The following EVI5L variants were observed in gnomAD, a reference collection of about 807,000 sequenced individuals.
EVI5L encodes EVI5-like protein.
Under a neutral mutation model 106.1 loss-of-function variants are expected in EVI5L, and 30 were observed. The ratio of observed to expected loss-of-function variants is 0.28; its 90% CI spans 0.21 to 0.38. The LOEUF is 0.38. Ranked by LOEUF, EVI5L falls within the 10% of genes least tolerant of loss-of-function variation. The pLI is 1.00. For synonymous variants in EVI5L, 489 were observed against 483.3 expected, an observed-to-expected ratio of 1.01 and a Z score of -0.15; for missense variants, 809 against 1,098.0, an observed-to-expected ratio of 0.74 and a Z score of 3.72.
At chr19:7,843,245 T>C (rs568855655) in intron 1 of EVI5L, among the ~76,000 whole-genome samples, 2 of 145,696 alleles carry the variant, frequency 1.4e-5, no homozygotes, top group African/African-American at 5.1e-5. Flanking sequence ...AGTGTGTGCA[T>C]GTGTGTATAG....
intron 2 of EVI5L, among the ~76,000 whole-genome samples, chr19:7,847,108 A>G (rs55867018): frequency 0.16 from 24,396 of 152,140 alleles, 2,575 homozygotes; most frequent in Middle Eastern, 0.23. Context: ...CCTGGCCAAC[A>G]TGGTGAAATC....
At chr19:7,852,446 C>T (rs1979298202) in intron 8 of EVI5L, among the ~76,000 whole-genome samples, 1 of 152,120 alleles carries the variant, frequency 6.6e-6, no homozygotes, top group African/African-American at 2.4e-5. Flanking sequence ...AGGCCCCCGG[C>T]ATACCCATCC....
At chr19:7,831,018 C>G (rs2146406667) in intron 1 of EVI5L, among the ~76,000 whole-genome samples, 1 of 150,566 alleles carries the variant, frequency 6.6e-6, no homozygotes, top group East Asian at 2.0e-4. Context: ...TAGCCCATCT[C>G]CCACCCCAGC....
In EVI5L at chr19:7,847,838, C is replaced by T; in HGVS notation, c.244C>T (p.Leu82=). The part of the protein sequence containing the change: ...SSSASSNLSH[L]EEDTWILWGR... ...CTCGGCCTCCTCCAACCTGAGCCAC[C>T]TGGAGGAGGACACGTGGATCCTGTG... is the stretch of plus-strand genomic sequence containing the variant. The change falls in exon 3 of 20, where the codon CTG becomes TTG. Residue 82 remains leucine (L), a synonymous_variant. Transcript: ENST00000538904. The T allele has an allele frequency of 6.2e-7, 1 of 1,610,272 alleles. No homozygotes were observed. The highest frequency in any genetic ancestry group is 8.5e-7 in the Non-Finnish European group (1 of 1,178,436).
chr19:7,852,829 A>G (rs1451893844), intron 8 of EVI5L: 11 of 487,766 alleles, frequency 2.3e-5, no homozygotes, highest in African/African-American at 5.8e-5. Context: ...TTGGGATTAT[A>G]TGAATGAGCC....
At chr19:7,830,881 C>T (rs1008630385) in intron 1 of EVI5L, among the ~76,000 whole-genome samples, 34 of 147,938 alleles carry the variant, frequency 2.3e-4, no homozygotes, top group African/African-American at 8.3e-4. Flanking sequence ...CCAGAACTGC[C>T]CCCACCTCTC....
chr19:7,848,334 CG>C lies in EVI5L; in HGVS notation c.327+414del, dbSNP rs1160699003. ...CAGGTAGGCCGGGCGCAGTGGCTCA[CG>C]CCTGTAATCCCAGTTCGTTGGAAGG... is the stretch of plus-strand genomic sequence containing the variant. On this transcript the variant is annotated intron_variant, in intron 3 of 19. Transcript: ENST00000538904. This position sits in a 1 kb window ranked among gnomAD's most constrained non-coding sequence, Gnocchi z 4.8. 6.6e-6 allele frequency among the ~76,000 whole-genome samples: 1 copy of C among 152,094 alleles called. No individual in the cohort carries two copies. Among genetic ancestry groups the C allele is most frequent in the East Asian group, 1.9e-4 (1 of 5,174 alleles).
intron 1 of EVI5L, among the ~76,000 whole-genome samples, chr19:7,834,943 T>C (rs1978318998): frequency 1.3e-5 from 2 of 152,034 alleles, no homozygotes; most frequent in Admixed American, 6.6e-5. Context: ...CTGGGCAACA[T>C]AGTGAGACTC....
intron 1 of EVI5L, among the ~76,000 whole-genome samples, chr19:7,842,463 G>T (rs1006977346): frequency 1.3e-5 from 2 of 151,142 alleles, no homozygotes; most frequent in South Asian, 4.2e-4. Flanking sequence ...GAATGTGTGT[G>T]TATCAAGTGT....
chr19:7,844,257 G>C (rs1352335299), intron 1 of EVI5L, among the ~76,000 whole-genome samples: 2 of 151,248 alleles, frequency 1.3e-5, no homozygotes. Flanking sequence ...GCGTGAACCC[G>C]GGAGGTAGAG....
Position 7,850,200 on chromosome 19 carries a change from C to T in EVI5L, c.753+78C>T. The T allele has an allele frequency of 6.6e-7, 1 of 1,525,836 alleles. No individual in the cohort carries two copies. The highest frequency in any genetic ancestry group is 8.8e-7 in the Non-Finnish European group (1 of 1,136,410). 94.5% of individuals were successfully genotyped at this position (1,525,836 alleles called of 1,614,324 possible). On this transcript the variant is annotated intron_variant, in intron 6 of 19. Coordinates refer to ENST00000538904, the MANE Select transcript of EVI5L (RefSeq NM_001159944.3). The surrounding 1 kb of genome is among the most constrained non-coding windows in gnomAD (Gnocchi z 5.4). ...GCAGGGCCGCAAGGGAGCAGGATCG[C>T]AGAAGGGCAGGGCTGGCACCCTAGA...
chr19:7,848,974 T>C lies in EVI5L; in HGVS notation c.381T>C (p.Leu127=), dbSNP rs1267250409. 1.4e-5 allele frequency: 22 copies of C among 1,613,426 alleles called. No homozygotes were observed. The highest frequency in any genetic ancestry group is 1.9e-5 in the Non-Finnish European group (22 of 1,179,946). Residue 127 remains leucine (L), a synonymous_variant, in exon 4 of 20, where the codon CTT becomes CTC. Transcript: ENST00000538904. This position sits in a 1 kb window ranked among gnomAD's most constrained non-coding sequence, Gnocchi z 4.8. Reference sequence around the variant, plus strand: ...ACTTCCGGGCCATCGTGTGGCAGCTTCTGTGCAGCGCCACGGACATGCCCG... The same window carrying C: ...ACTTCCGGGCCATCGTGTGGCAGCTCCTGTGCAGCGCCACGGACATGCCCG... ...PHHFRAIVWQ[L]LCSATDMPVK... is the part of the protein sequence containing the mutation.
intron 10 of EVI5L, among the ~76,000 whole-genome samples, chr19:7,854,095 A>G (rs923881070): frequency 6.6e-6 from 1 of 152,022 alleles, no homozygotes; most frequent in Admixed American, 6.6e-5. Flanking sequence ...CAGCCTGGCT[A>G]ATGCAGTGAA....
chr19:7,851,777 C>G lies in EVI5L; in HGVS notation c.987+7C>G, dbSNP rs762212619. 1 of 1,493,478 alleles carries G rather than the reference C, an allele frequency of 6.7e-7. No homozygotes were observed. The highest frequency in any genetic ancestry group is 1.4e-5 in the South Asian group (1 of 71,034). The allele number at this position is 1,493,478 out of a possible 1,614,324, so 92.5% of individuals were successfully genotyped here. On this transcript the variant is annotated splice_region_variant and intron_variant, in intron 8 of 19. Transcript: ENST00000538904. ...CATGGAGGGGATGTCCCAGGTGGGC[C>G]GGGAGGGCCAGGGCCGGTGGGGCTG...
chr19:7,838,325 G>A (rs1241557206), intron 1 of EVI5L, among the ~76,000 whole-genome samples: 1 of 151,928 alleles, frequency 6.6e-6, no homozygotes, highest in Non-Finnish European at 1.5e-5. Flanking sequence ...TGGCCAGGCT[G>A]GTCTCAAACT....
Position 7,857,354 on chromosome 19 carries a change from G to A in EVI5L, c.1233+230G>A, listed in dbSNP as rs1979578651. On this transcript the variant is annotated intron_variant, in intron 12 of 19. Transcript: ENST00000538904. This position sits in a 1 kb window ranked among gnomAD's most constrained non-coding sequence, Gnocchi z 4.5. ...AGGGGCTGTGAGTGCGTTTGGGTGT[G>A]AATGTCCACATGCATGTACAGAAAG... The A allele has an allele frequency of 1.6e-6, 1 of 620,790 alleles. No homozygotes were observed. Among genetic ancestry groups the A allele is most frequent in the African/African-American group, 1.8e-5 (1 of 54,634 alleles). The allele number at this position is 620,790 out of a possible 1,614,324, so 38.5% of individuals were successfully genotyped here. A position where few individuals can be genotyped will look rare whatever the true frequency, so the allele number is the denominator to read the frequency against.
At position 7,851,621 on chromosome 19, in the gene EVI5L, G is replaced by T. The variant is rs375529847; in HGVS notation, c.897+44G>T. The T allele has an allele frequency of 4.8e-5, 76 of 1,599,964 alleles. No homozygotes were observed. The African/African-American group carries it at 8.7e-4, about 18-fold the overall frequency. ...TGGGGAGGGAAGAGAGCCCCTTGGG[G>T]GTGGTTGGAACAGGAGCCTCCCTGC... On this transcript the variant is annotated intron_variant, in intron 7 of 19. Coordinates refer to ENST00000538904, the MANE Select transcript of EVI5L (RefSeq NM_001159944.3).
chr19:7,853,379 G>A lies in EVI5L; in HGVS notation c.1146+46G>A, dbSNP rs757522771. 1.0e-5 allele frequency: 16 copies of A among 1,579,414 alleles called. 1 individual carries two copies. Among genetic ancestry groups the A allele is most frequent in the Non-Finnish European group, 1.2e-5 (14 of 1,163,332 alleles). On this transcript the variant is annotated intron_variant, in intron 10 of 19. Coordinates refer to ENST00000538904, the MANE Select transcript of EVI5L (RefSeq NM_001159944.3). Reference sequence around the variant, plus strand: ...GCGGGGACAGGGATGGGAGGCCTTTGGGGGCTGCCCTCCGTACTCTAAAGA... The same window carrying A: ...GCGGGGACAGGGATGGGAGGCCTTTAGGGGCTGCCCTCCGTACTCTAAAGA...
intron 1 of EVI5L, among the ~76,000 whole-genome samples, chr19:7,836,418 G>T (rs552966225): frequency 6.6e-6 from 1 of 152,280 alleles, no homozygotes; most frequent in East Asian, 1.9e-4. Flanking sequence ...CCTGCACTTG[G>T]GGTTTCACAT....
Sources: allele counts gnomAD v4.1 joint callset (sites outside exome capture counted in the v4.1 genomes callset), GRCh38; gene constraint gnomAD v4.1.1; non-coding constraint Gnocchi (gnomAD v3.1); transcripts MANE v1.5; gene names NCBI Gene and HGNC (gene_info 2026-07-23, HGNC 2026-07-21).